The following TRIM44 variants were observed in gnomAD, a reference collection of about 807,000 sequenced individuals.
The protein encoded by TRIM44 is tripartite motif-containing protein 44.
TRIM44 carries 13 observed loss-of-function variants against 37.4 expected under a neutral mutation model. The observed-to-expected ratio is 0.35, with a 90% confidence interval of 0.23 to 0.55. TRIM44 has a LOEUF of 0.55. Among genes scored for constraint, TRIM44 ranks in the 20% least tolerant of loss-of-function variants. The pLI, the probability that TRIM44 is intolerant of heterozygous loss-of-function variation, is 0.89. For missense variants in TRIM44, 426 were observed against 437.2 expected, an observed-to-expected ratio of 0.97 and a Z score of 0.23; for synonymous variants, 175 against 157.2, an observed-to-expected ratio of 1.11 and a Z score of -0.85.
intron 4 of TRIM44, among the ~76,000 whole-genome samples, chr11:35,765,111 A>C (rs149897944): frequency 7.9e-5 from 12 of 152,302 alleles, no homozygotes; most frequent in Admixed American, 3.3e-4. Flanking sequence ...ATTTGTGTGC[A>C]TAGTTGCAAT....
chr11:35,747,095 T>C (rs1053465613), intron 4 of TRIM44, among the ~76,000 whole-genome samples: 3 of 152,176 alleles, frequency 2.0e-5, no homozygotes, highest in Non-Finnish European at 4.4e-5. Context: ...TAGATGCATC[T>C]TGGTCTAGAT....
chr11:35,780,302 A>G (rs1207468396), intron 4 of TRIM44, among the ~76,000 whole-genome samples: 1 of 152,176 alleles, frequency 6.6e-6, no homozygotes, highest in African/African-American at 2.4e-5. Flanking sequence ...TGTAAGGTTA[A>G]GAAGAGAAGA....
At chr11:35,781,493 C>G (rs908604873) in intron 4 of TRIM44, among the ~76,000 whole-genome samples, 1 of 152,136 alleles carries the variant, frequency 6.6e-6, no homozygotes, top group Non-Finnish European at 1.5e-5. Flanking sequence ...TGAGGAGCGA[C>G]TCACTGTATT....
chr11:35,799,920 G>C (rs1853344003), intron 4 of TRIM44, among the ~76,000 whole-genome samples: 1 of 152,170 alleles, frequency 6.6e-6, no homozygotes, highest in African/African-American at 2.4e-5. Context: ...CTAGAGCGAA[G>C]TCAAACTTTT....
intron 1 of TRIM44, among the ~76,000 whole-genome samples, chr11:35,669,632 T>C (rs1406935089): frequency 6.6e-6 from 1 of 151,590 alleles, no homozygotes; most frequent in Non-Finnish European, 1.5e-5. Flanking sequence ...CCCACCACCA[T>C]GCCCAGCTAA....
At chr11:35,742,575 T>TTAATTATATTAATTGTATTATATA (rs1852418708) in intron 4 of TRIM44, among the ~76,000 whole-genome samples, 1 of 131,206 alleles carries the variant, frequency 7.6e-6, no homozygotes, top group Non-Finnish European at 1.5e-5. Flanking sequence ...TATAATTATA[T>TTAATTATATTAATTGTATTATATA]TAATTATATT....
intron 4 of TRIM44, among the ~76,000 whole-genome samples, chr11:35,755,957 CT>C (rs1221943283): frequency 4.0e-5 from 6 of 151,660 alleles, no homozygotes; most frequent in South Asian, 4.1e-4. Flanking sequence ...CAGCTTTGTT[CT>C]TTTGGCTTAG....
chr11:35,724,358 C>G (rs1376743300), intron 2 of TRIM44: 1 of 152,154 alleles, frequency 6.6e-6, no homozygotes, highest in Non-Finnish European at 1.5e-5. Context: ...GAGTCTTTCC[C>G]TCTTCTACAG....
intron 4 of TRIM44, among the ~76,000 whole-genome samples, chr11:35,760,745 TA>T (rs774746598): frequency 2.0e-5 from 3 of 152,264 alleles, no homozygotes; most frequent in Non-Finnish European, 4.4e-5. Flanking sequence ...GCTGAATGGT[TA>T]AATCTGGCTA....
intron 4 of TRIM44, among the ~76,000 whole-genome samples, chr11:35,803,089 G>A (rs559020361): frequency 5.3e-5 from 8 of 152,220 alleles, no homozygotes; most frequent in South Asian, 4.2e-4. Flanking sequence ...ATAGCATTTC[G>A]ATGAGGAAAC....
chr11:35,672,068 G>T (rs937247606), intron 1 of TRIM44, among the ~76,000 whole-genome samples: 1 of 152,106 alleles, frequency 6.6e-6, no homozygotes, highest in Non-Finnish European at 1.5e-5. Context: ...TTCTTACATT[G>T]TCAAGGGAAT....
At chr11:35,734,631 G>T (rs1010772685) in intron 3 of TRIM44, among the ~76,000 whole-genome samples, 2 of 152,204 alleles carry the variant, frequency 1.3e-5, no homozygotes, top group Non-Finnish European at 2.9e-5. Context: ...CCTTGGGAAA[G>T]GCTTGAGAGT....
rs557036526 is a variant in TRIM44 at position 35,721,438 on chromosome 11, C to T, written c.748-4486C>T. 1.1e-3 allele frequency among the ~76,000 whole-genome samples: 174 copies of T among 152,164 alleles called. 1 individual carries two copies. Among genetic ancestry groups the T allele is most frequent in the Non-Finnish European group, 2.1e-3 (146 of 67,986 alleles). On this transcript the variant is annotated intron_variant, in intron 2 of 4. Coordinates refer to ENST00000299413, the MANE Select transcript of TRIM44 (RefSeq NM_017583.6). The stretch of plus-strand genomic sequence containing the variant: ...TTTATAATGAAAATAATAACAGTAA[C>T]AACAGCAATAGTAAATACCATTATA...
intron 1 of TRIM44, among the ~76,000 whole-genome samples, chr11:35,674,291 G>A (rs1188852827): frequency 1.3e-5 from 2 of 151,268 alleles, no homozygotes; most frequent in East Asian, 2.0e-4. Context: ...TGTATATATC[G>A]CTATGATAGG....
In TRIM44 at chr11:35,663,175, G is replaced by A. The variant is rs1384297454; in HGVS notation, c.64G>A (p.Glu22Lys). 1 of 1,574,594 alleles carries A rather than the reference G, an allele frequency of 6.4e-7. No individual in the cohort carries two copies. The highest frequency in any genetic ancestry group is 8.6e-7 in the Non-Finnish European group (1 of 1,160,262). The change falls in exon 1 of 5, where the codon GAG becomes AAG. Residue 22 changes from glutamate to lysine, a missense_variant. By Grantham distance (56) the Glu-to-Lys change is moderately conservative. Transcript: ENST00000299413. Reference protein sequence around the residue: ...LPHDGTCDECEPDEAPGAEEV... With the variant: ...LPHDGTCDECKPDEAPGAEEV... ...TCACGACGGCACGTGTGACGAGTGC[G>A]AGCCCGACGAGGCTCCGGGGGCCGA...
intron 2 of TRIM44, among the ~76,000 whole-genome samples, chr11:35,716,757 G>A: frequency 6.6e-6 from 1 of 152,184 alleles, no homozygotes; most frequent in South Asian, 2.1e-4. Context: ...GTTGACATTT[G>A]AAGGGGATCT....
chr11:35,753,782 G>C, intron 4 of TRIM44, among the ~76,000 whole-genome samples: 1 of 151,582 alleles, frequency 6.6e-6, no homozygotes, highest in Non-Finnish European at 1.5e-5. Context: ...AGGTTGCAGC[G>C]CAGTGGCGTA....
intron 4 of TRIM44, among the ~76,000 whole-genome samples, chr11:35,743,679 C>T (rs1215344902): frequency 6.6e-6 from 1 of 152,284 alleles, no homozygotes. Flanking sequence ...ACATAAAAGA[C>T]ACTGATATTC....
chr11:35,771,454 G>A (rs916863066), intron 4 of TRIM44, among the ~76,000 whole-genome samples: 6 of 152,118 alleles, frequency 3.9e-5, no homozygotes, highest in African/African-American at 1.2e-4. Context: ...GGATGCGCAC[G>A]GTGGCTCATG....
Sources: gnomAD v4.1 joint callset for allele counts (sites outside exome capture counted in the v4.1 genomes callset) on GRCh38, gnomAD v4.1.1 for gene constraint, MANE v1.5 for transcripts, NCBI Gene and HGNC (gene_info 2026-07-23, HGNC 2026-07-21) for gene names.